Variants in PLXNA4 observed in about 807,000 individuals in gnomAD.
The protein encoded by PLXNA4 is plexin-A4.
Under a neutral mutation model 191.8 loss-of-function variants are expected in PLXNA4, and 44 were observed. That is an observed-to-expected ratio of 0.23 (90% CI 0.18 to 0.29). The LOEUF (loss-of-function observed/expected upper bound fraction) is 0.29, where lower values mean the gene tolerates loss of function less well. PLXNA4 is among the 10% of genes least tolerant of loss of function. PLXNA4 has a pLI of 1.00. For missense variants in PLXNA4, 1,800 were observed against 2,488.8 expected (o/e 0.72, Z 5.89); for synonymous variants, 1,082 against 1,009.5 (o/e 1.07, Z -1.36).
At chr7:132,417,756 G>A (rs780656322) in intron 3 of PLXNA4, among the ~76,000 whole-genome samples, 6 of 151,876 alleles carry the variant, frequency 4.0e-5, no homozygotes, top group Admixed American at 6.6e-5. Flanking sequence ...GAAGGAGCAG[G>A]AGATCAACAA....
intron 2 of PLXNA4, among the ~76,000 whole-genome samples, chr7:132,582,665 A>G (rs929385165): frequency 1.3e-5 from 2 of 152,226 alleles, no homozygotes; most frequent in Non-Finnish European, 2.9e-5. Flanking sequence ...TTAAGCCTTC[A>G]GATGATTTCA....
rs1585130215 is a variant in PLXNA4 at position 132,435,020 on chromosome 7, G to A, written c.1371+54272C>T. ...TCCCAGTCTGTTCCATCTCTCCCCAGCCCTTCTTTATGCATAAAGGACACT... is the reference window on the plus strand; with the variant it reads ...TCCCAGTCTGTTCCATCTCTCCCCAACCCTTCTTTATGCATAAAGGACACT... On this transcript the variant is annotated intron_variant, in intron 3 of 31. Coordinates refer to ENST00000321063, the MANE Select transcript of PLXNA4 (RefSeq NM_020911.2). Among the ~76,000 whole-genome samples, 3 of 152,134 alleles carry A rather than the reference G, an allele frequency of 2.0e-5. No homozygotes were observed. In the East Asian group the frequency reaches 5.8e-4, roughly 29 times the overall value.
chr7:132,435,114 A>T (rs1795419330), intron 3 of PLXNA4, among the ~76,000 whole-genome samples: 1 of 152,090 alleles, frequency 6.6e-6, no homozygotes, highest in South Asian at 2.1e-4. Flanking sequence ...CTCGAGCAGG[A>T]AGTATGTTTG....
chr7:132,281,249 A>G (rs1019765802), intron 4 of PLXNA4, among the ~76,000 whole-genome samples: 4 of 152,206 alleles, frequency 2.6e-5, no homozygotes, highest in Admixed American at 2.6e-4. Context: ...CACCTCACAT[A>G]GACGCAGAGA....
At chr7:132,393,190 ACC>A (rs747385813) in intron 3 of PLXNA4, among the ~76,000 whole-genome samples, 14 of 95,182 alleles carry the variant, frequency 1.5e-4, no homozygotes, top group Admixed American at 4.9e-4. Flanking sequence ...GACCCCCAAC[ACC>A]CCCCCCCACC....
At chr7:132,423,558 T>C (rs143494378) in intron 3 of PLXNA4, among the ~76,000 whole-genome samples, 3 of 152,296 alleles carry the variant, frequency 2.0e-5, no homozygotes, top group African/African-American at 7.2e-5. Context: ...ATCCAGCTTT[T>C]CTAGAGATGG....
intron 16 of PLXNA4, among the ~76,000 whole-genome samples, chr7:132,183,801 C>T (rs921640898): frequency 1.3e-5 from 2 of 152,214 alleles, no homozygotes; most frequent in African/African-American, 4.8e-5. Context: ...GGCCAAATCT[C>T]ATCTCTGCAG....
At chr7:132,357,811 T>A (rs1296532042) in intron 3 of PLXNA4, among the ~76,000 whole-genome samples, 3 of 152,218 alleles carry the variant, frequency 2.0e-5, no homozygotes, top group Non-Finnish European at 4.4e-5. Flanking sequence ...TTGCATTGTG[T>A]TTTTATAGAT....
rs775663838 is a variant in PLXNA4, at chr7:132,198,526, C to T, written c.2697G>A (p.Val899=). The change falls in exon 13 of 32, where the codon GTG becomes GTA. Residue 899 remains valine (V), a synonymous_variant. Transcript: ENST00000321063. ...DIASHVKVAG[V]ECSPLVDGYI... is the part of the protein sequence containing the mutation. ...AACCATCCACTAAAGGGCTGCACTC[C>T]ACGCCAGCAACCTTGACATGGGAGG... 5 of 1,614,236 alleles carry T rather than the reference C, an allele frequency of 3.1e-6. No individual in the cohort carries two copies. In the South Asian group the frequency reaches 5.5e-5, roughly 18 times the overall value.
chr7:132,302,161 C>T (rs1392782788), intron 3 of PLXNA4, among the ~76,000 whole-genome samples: 1 of 152,178 alleles, frequency 6.6e-6, no homozygotes, highest in Non-Finnish European at 1.5e-5. Context: ...CAGATTTCTG[C>T]ATGGAGAAGT....
chr7:132,452,338 C>T (rs1317685568), intron 3 of PLXNA4, among the ~76,000 whole-genome samples: 2 of 152,224 alleles, frequency 1.3e-5, no homozygotes, highest in African/African-American at 4.8e-5. Context: ...TCCCACCCAT[C>T]AGGAAGCATG....
At chr7:132,525,675 A>G (rs1361430593) in intron 1 of PLXNA4, among the ~76,000 whole-genome samples, 1 of 152,208 alleles carries the variant, frequency 6.6e-6, no homozygotes, top group Non-Finnish European at 1.5e-5. Flanking sequence ...AATGCCTGTC[A>G]AGCCTTTTTG....
intron 3 of PLXNA4, among the ~76,000 whole-genome samples, chr7:132,363,719 C>A (rs953939372): frequency 4.6e-5 from 7 of 152,244 alleles, no homozygotes; most frequent in African/African-American, 1.4e-4. Flanking sequence ...AGTGTAACCG[C>A]TGGATCATAT....
chr7:132,154,154 C>A (rs970451966), intron 25 of PLXNA4, among the ~76,000 whole-genome samples: 1 of 152,132 alleles, frequency 6.6e-6, no homozygotes, highest in Non-Finnish European at 1.5e-5. Flanking sequence ...ACAGGGCCCA[C>A]TCCACCCTCC....
At chr7:132,358,707 A>G (rs1803810470) in intron 3 of PLXNA4, among the ~76,000 whole-genome samples, 1 of 152,250 alleles carries the variant, frequency 6.6e-6, no homozygotes, top group South Asian at 2.1e-4. Flanking sequence ...TTTTTAAAAC[A>G]ACTTCTACAA....
intron 3 of PLXNA4, among the ~76,000 whole-genome samples, chr7:132,347,830 C>A (rs1803309805): frequency 6.6e-6 from 1 of 152,170 alleles, no homozygotes; most frequent in African/African-American, 2.4e-5. Context: ...TCTCCTTCTC[C>A]CCTTTTATAC....
At chr7:132,371,498 G>T (rs1377297288) in intron 3 of PLXNA4, among the ~76,000 whole-genome samples, 2 of 152,112 alleles carry the variant, frequency 1.3e-5, no homozygotes, top group East Asian at 1.9e-4. Flanking sequence ...CATATTTCTG[G>T]ACACAGTTCC....
intron 9 of PLXNA4, among the ~76,000 whole-genome samples, chr7:132,222,165 A>G (rs1798164991): frequency 6.6e-6 from 1 of 152,180 alleles, no homozygotes; most frequent in Non-Finnish European, 1.5e-5. Context: ...TCTAAAATCA[A>G]TCACCCTGCT....
At chr7:132,182,443 G>A (rs1460790343) in intron 16 of PLXNA4, among the ~76,000 whole-genome samples, 1 of 152,110 alleles carries the variant, frequency 6.6e-6, no homozygotes, top group Non-Finnish European at 1.5e-5. Context: ...GACCCCCGTG[G>A]AGGCCCAGTC....
Sources: gnomAD v4.1 joint callset for allele counts (sites outside exome capture counted in the v4.1 genomes callset) on GRCh38, gnomAD v4.1.1 for gene constraint, MANE v1.5 for transcripts, NCBI Gene and HGNC (gene_info 2026-07-23, HGNC 2026-07-21) for gene names.